Variants in TLN2 observed in about 807,000 individuals in gnomAD.
TLN2 encodes talin 2, also known as talin-2.
A neutral mutation model predicts 294.7 loss-of-function variants in TLN2; 118 were observed. That is an observed-to-expected ratio of 0.40 (90% CI 0.34 to 0.47). The LOEUF (loss-of-function observed/expected upper bound fraction) is 0.47, where lower values mean the gene tolerates loss of function less well. Among genes scored for constraint, TLN2 ranks in the 20% least tolerant of loss-of-function variants. TLN2 has a pLI of 0.84. For missense variants in TLN2, 3,083 were observed against 3,282.2 expected (o/e 0.94, Z 1.48); for synonymous variants, 1,431 against 1,304.5 (o/e 1.10, Z -2.09).
chr15:62,425,229 A>C (rs2034641683), intron 1 of TLN2, among the ~76,000 whole-genome samples: 1 of 152,118 alleles, frequency 6.6e-6, no homozygotes, highest in African/African-American at 2.4e-5. Context: ...CTGGGATTAC[A>C]GGTTTGAGCC....
At chr15:62,588,972 A>C (rs2045876886) in intron 1 of TLN2, among the ~76,000 whole-genome samples, 1 of 151,840 alleles carries the variant, frequency 6.6e-6, no homozygotes, top group African/African-American at 2.4e-5. Context: ...CCTAAATGCT[A>C]AACAACACCA....
chr15:62,668,654 A>T (rs1195620773), intron 9 of TLN2, among the ~76,000 whole-genome samples: 1 of 152,132 alleles, frequency 6.6e-6, no homozygotes, highest in Non-Finnish European at 1.5e-5. Context: ...CACGGATGAG[A>T]CGGCGTGTGT....
At chr15:62,527,638 A>G (rs1209694664) in intron 1 of TLN2, among the ~76,000 whole-genome samples, 1 of 152,148 alleles carries the variant, frequency 6.6e-6, no homozygotes, top group Non-Finnish European at 1.5e-5. Flanking sequence ...AAACAAGTAG[A>G]CCCTGTTTGA....
intron 2 of TLN2, among the ~76,000 whole-genome samples, chr15:62,601,565 G>A (rs2047010457): frequency 6.6e-6 from 1 of 152,160 alleles, no homozygotes; most frequent in African/African-American, 2.4e-5. Context: ...AGTAACTGTA[G>A]ACTCTTTGTT....
At chr15:62,550,891 A>G (rs575327697) in intron 1 of TLN2, among the ~76,000 whole-genome samples, 3 of 152,312 alleles carry the variant, frequency 2.0e-5, no homozygotes, top group South Asian at 2.1e-4. Context: ...ATTCAAGCAC[A>G]TTATCTTTAT....
intron 12 of TLN2, among the ~76,000 whole-genome samples, chr15:62,687,234 T>C (rs919313381): frequency 9.2e-5 from 14 of 152,188 alleles, no homozygotes; most frequent in African/African-American, 3.4e-4. Flanking sequence ...AAAGAGAGCA[T>C]AGTACACAGT....
chr15:62,423,362 C>T (rs1050370952), intron 1 of TLN2, among the ~76,000 whole-genome samples: 34 of 152,078 alleles, frequency 2.2e-4, no homozygotes, highest in African/African-American at 6.8e-4. Context: ...TAGAGTGAGA[C>T]CCTTTTTTAA....
chr15:62,707,172 A>G lies in TLN2; in HGVS notation c.2091A>G (p.Glu697=). Residue 697 remains glutamate, a synonymous_variant, in exon 20 of 59, where the codon GAA becomes GAG. Transcript: ENST00000636159. ...LKAKNVAQVA[E]DTVLQNRVIA... is the part of the protein sequence containing the mutation. ...CAAAGAATGTTGCCCAAGTGGCCGAAGACACTGTCCTACAGAACAGGGTAA... is the reference window on the plus strand; with the variant it reads ...CAAAGAATGTTGCCCAAGTGGCCGAGGACACTGTCCTACAGAACAGGGTAA... 6.2e-7 allele frequency: 1 copy of G among 1,614,232 alleles called. No individual in the cohort carries two copies. The highest frequency in any genetic ancestry group is 8.5e-7 in the Non-Finnish European group (1 of 1,180,034).
chr15:62,666,679 C>T (rs946405574), intron 9 of TLN2, among the ~76,000 whole-genome samples: 4 of 152,150 alleles, frequency 2.6e-5, no homozygotes, highest in Non-Finnish European at 4.4e-5. Context: ...CCACTCTAGG[C>T]GTTTCCCAGC....
intron 1 of TLN2, among the ~76,000 whole-genome samples, chr15:62,450,513 G>A (rs2036049768): frequency 1.7e-5 from 1 of 60,552 alleles, no homozygotes; most frequent in African/African-American, 4.1e-5. Context: ...CCCCCATCGT[G>A]TATGTATGTA....
chr15:62,392,951 G>A (rs2032222430), intron 1 of TLN2, among the ~76,000 whole-genome samples: 1 of 151,962 alleles, frequency 6.6e-6, no homozygotes, highest in African/African-American at 2.4e-5. Context: ...GATGGCGGTG[G>A]GTGTGACAAG....
At chr15:62,632,625 A>AT (rs975912976) in intron 3 of TLN2, among the ~76,000 whole-genome samples, 1 of 152,198 alleles carries the variant, frequency 6.6e-6, no homozygotes, top group Non-Finnish European at 1.5e-5. Context: ...GCCTTATTCC[A>AT]TCTTGTTTAT....
In TLN2 at chr15:62,594,188, C is replaced by T. The variant is rs75986803; in HGVS notation, c.-162+4426C>T. Among the ~76,000 whole-genome samples the T allele has an allele frequency of 1.2e-3, 178 of 152,226 alleles. 4 individuals are homozygous for T. In the East Asian group the frequency reaches 0.03, roughly 25 times the overall value. ...GCCCAGAAATAAATCCACACAGTTACGGTCAATTGATTTTTATTGTTGTTA... is the reference window on the plus strand; with the variant it reads ...GCCCAGAAATAAATCCACACAGTTATGGTCAATTGATTTTTATTGTTGTTA... On this transcript the variant is annotated intron_variant, in intron 2 of 58. Coordinates refer to ENST00000636159, the MANE Select transcript of TLN2 (RefSeq NM_015059.3).
intron 2 of TLN2, among the ~76,000 whole-genome samples, chr15:62,600,769 C>T (rs2046927279): frequency 6.6e-6 from 1 of 152,226 alleles, no homozygotes; most frequent in South Asian, 2.1e-4. Flanking sequence ...TTTCTTCTGT[C>T]CCCTTCCCTC....
intron 1 of TLN2, among the ~76,000 whole-genome samples, chr15:62,584,529 C>T (rs1448022980): frequency 6.6e-6 from 1 of 152,214 alleles, no homozygotes; most frequent in Admixed American, 6.5e-5. Flanking sequence ...CTGGCCCAAC[C>T]CCCAGCCTCT....
chr15:62,616,661 C>A (rs1403747594), intron 2 of TLN2, among the ~76,000 whole-genome samples: 1 of 152,194 alleles, frequency 6.6e-6, no homozygotes, highest in Non-Finnish European at 1.5e-5. Flanking sequence ...GTGTGAGTTT[C>A]TCCCCAGCTT....
intron 51 of TLN2, among the ~76,000 whole-genome samples, chr15:62,809,370 T>C (rs1056988454): frequency 1.2e-4 from 18 of 152,188 alleles, no homozygotes; most frequent in Non-Finnish European, 4.4e-5. Context: ...AGATGAGTTA[T>C]GGTGCCTCTA....
intron 57 of TLN2, among the ~76,000 whole-genome samples, chr15:62,836,963 C>G (rs2069722268): frequency 6.9e-6 from 1 of 144,802 alleles, no homozygotes; most frequent in African/African-American, 2.5e-5. Context: ...TTCATGAGTT[C>G]CATTTTTAAT....
At chr15:62,448,373 C>A (rs2035934278) in intron 1 of TLN2, among the ~76,000 whole-genome samples, 1 of 152,188 alleles carries the variant, frequency 6.6e-6, no homozygotes, top group African/African-American at 2.4e-5. Flanking sequence ...TATAGAAATG[C>A]ATGATCATAT....
Sources: allele counts gnomAD v4.1 joint callset (sites outside exome capture counted in the v4.1 genomes callset), GRCh38; gene constraint gnomAD v4.1.1; transcripts MANE v1.5; gene names NCBI Gene and HGNC (gene_info 2026-07-23, HGNC 2026-07-21).